ENTREP1: variants seen among roughly 807,000 people sequenced by gnomAD.
ENTREP1 encodes the protein Friedreich ataxia region gene X123.
chr9:69,367,888 TATATATATAC>T, the ENTREP1 span, among the ~76,000 whole-genome samples: 13 of 140,952 alleles, frequency 9.2e-5, no homozygotes, highest in East Asian at 2.6e-3. Flanking sequence ...TATATACACA[TATATATATAC>T]ATATATACAT....
chr9:69,383,668 A>G, the ENTREP1 span: 2 of 1,614,084 alleles, frequency 1.2e-6, no homozygotes, highest in Non-Finnish European at 1.7e-6. Context: ...CCACACATCT[A>G]CGGAGCTCGA....
At chr9:69,367,874 T>TATATATATAAC in the ENTREP1 span, among the ~76,000 whole-genome samples, 2 of 90,600 alleles carry the variant, frequency 2.2e-5, 1 homozygote, top group African/African-American at 8.4e-5. Flanking sequence ...TATATATAAA[T>TATATATATAAC]ATATATATAC....
chr9:69,334,949 G>A, the ENTREP1 span, among the ~76,000 whole-genome samples: 2 of 152,044 alleles, frequency 1.3e-5, no homozygotes, highest in Admixed American at 1.3e-4. Flanking sequence ...TAGTGGAGAT[G>A]GGGTTTCACC....
chr9:69,334,871 G>T, the ENTREP1 span, among the ~76,000 whole-genome samples: 1 of 150,910 alleles, frequency 6.6e-6, no homozygotes, highest in Non-Finnish European at 1.5e-5. Context: ...CTGCCTCCTG[G>T]GTTCAGGCGA....
At chr9:69,327,584 T>C in the ENTREP1 span, among the ~76,000 whole-genome samples, 1 of 151,412 alleles carries the variant, frequency 6.6e-6, no homozygotes, top group Non-Finnish European at 1.5e-5. Flanking sequence ...TGCACTTAGA[T>C]ATCGGTCAAG....
chr9:69,377,820 C>G, the ENTREP1 span: 3 of 1,431,780 alleles, frequency 2.1e-6, no homozygotes, highest in Middle Eastern at 2.6e-4. Context: ...CCAGAACTCA[C>G]CACATGAGAT....
the ENTREP1 span, among the ~76,000 whole-genome samples, chr9:69,367,427 T>C: frequency 2.6e-5 from 4 of 151,356 alleles, no homozygotes; most frequent in African/African-American, 9.7e-5. Context: ...TTGCAGTGAA[T>C]CTTTAGATTG....
chr9:69,329,130 A>G, the ENTREP1 span, among the ~76,000 whole-genome samples: 3 of 152,220 alleles, frequency 2.0e-5, no homozygotes, highest in African/African-American at 7.2e-5. Flanking sequence ...AGGTAGTTGA[A>G]TGGAAGTGCC....
chr9:69,385,613 TC>T, the ENTREP1 span, among the ~76,000 whole-genome samples: 1 of 152,212 alleles, frequency 6.6e-6, no homozygotes, highest in Non-Finnish European at 1.5e-5. Context: ...AGGCAAGTTT[TC>T]CTGTAGTCAG....
chr9:69,385,772 TTTTTTTTTTTTTTTTA>T, the ENTREP1 span: 2 of 1,341,332 alleles, frequency 1.5e-6, no homozygotes, highest in Non-Finnish European at 1.9e-6. Context: ...TCTTTTTTTT[TTTTTTTTTTTTTTTTA>T]AATCAGATGG....
the ENTREP1 span, among the ~76,000 whole-genome samples, chr9:69,362,152 A>C: frequency 6.6e-6 from 1 of 152,080 alleles, no homozygotes; most frequent in African/African-American, 2.4e-5. Flanking sequence ...TCGCATCTTG[A>C]GATTGGAGCA....
At chr9:69,376,464 T>G in the ENTREP1 span, among the ~76,000 whole-genome samples, 3 of 152,336 alleles carry the variant, frequency 2.0e-5, no homozygotes, top group African/African-American at 7.2e-5. Context: ...TTAGCCTTCA[T>G]CAGGGAATTG....
At chr9:69,347,840 G>A in the ENTREP1 span, among the ~76,000 whole-genome samples, 36,446 of 151,954 alleles carry the variant, frequency 0.24, 4,683 homozygotes, top group East Asian at 0.34. Context: ...ATTATTTACT[G>A]CAACACCAGG....
chr9:69,359,553 G>T, the ENTREP1 span, among the ~76,000 whole-genome samples: 176 of 152,294 alleles, frequency 1.2e-3, no homozygotes, highest in African/African-American at 4.0e-3. Flanking sequence ...CTGCTACCTT[G>T]TGAGGAAGTT....
the ENTREP1 span, among the ~76,000 whole-genome samples, chr9:69,390,453 T>C: frequency 1.3e-5 from 2 of 152,258 alleles, no homozygotes; most frequent in African/African-American, 4.8e-5. Context: ...GAATTTTTCA[T>C]ATTTTTGCCA....
chr9:69,355,845 C>T, the ENTREP1 span, among the ~76,000 whole-genome samples: 1 of 152,144 alleles, frequency 6.6e-6, no homozygotes, highest in African/African-American at 2.4e-5. Flanking sequence ...CATGCGACCT[C>T]CTCATGTAAC....
chr9:69,347,253 G>A, the ENTREP1 span, among the ~76,000 whole-genome samples: 1 of 152,206 alleles, frequency 6.6e-6, no homozygotes, highest in Non-Finnish European at 1.5e-5. Flanking sequence ...CAGGCTAAGG[G>A]AGCTGGAAGC....
the ENTREP1 span, chr9:69,391,648 C>T: frequency 6.2e-7 from 1 of 1,614,182 alleles, no homozygotes; most frequent in South Asian, 1.1e-5. Context: ...ACAAGCTGCC[C>T]TCGCGGAGAC....
the ENTREP1 span, among the ~76,000 whole-genome samples, chr9:69,328,712 A>G: frequency 6.6e-6 from 1 of 152,220 alleles, no homozygotes; most frequent in Admixed American, 6.5e-5. Flanking sequence ...ATTAAAAAAG[A>G]ACACAGCTTT....
Sources: gnomAD v4.1 joint callset for allele counts (sites outside exome capture counted in the v4.1 genomes callset) on GRCh38, gnomAD v4.1.1 for gene constraint, MANE v1.5 for transcripts, NCBI Gene and HGNC (gene_info 2026-07-23, HGNC 2026-07-21) for gene names.